DNM1L: variants seen among roughly 807,000 people sequenced by gnomAD.
The protein encoded by DNM1L is dynamin 1L, also known as dynamin-1-like protein.
DNM1L carries 33 observed loss-of-function variants against 92.8 expected under a neutral mutation model. That is an observed-to-expected ratio of 0.36 (90% CI 0.27 to 0.48). The LOEUF is 0.48. DNM1L is among the 20% of genes least tolerant of loss of function. The probability of loss-of-function intolerance (pLI) is 0.99; values close to 1 mark genes in which losing one functional copy is unlikely to be tolerated. For synonymous variants in DNM1L, 284 were observed against 305.0 expected, an observed-to-expected ratio of 0.93 and a Z score of 0.72; for missense variants, 485 against 888.8, an observed-to-expected ratio of 0.55 and a Z score of 5.78.
Position 32,731,162 on chromosome 12 carries a change from A to G in DNM1L, c.1200+28A>G. Reference sequence around the variant, plus strand: ...GAGTATGTTTAGCTTTTTAGACTGTAAAAAAAAATGAGGTTAAAGTTTTTC... The same window carrying G: ...GAGTATGTTTAGCTTTTTAGACTGTGAAAAAAAATGAGGTTAAAGTTTTTC... On this transcript the variant is annotated intron_variant, in intron 10 of 19. Transcript: ENST00000549701. This position sits in a 1 kb window ranked among gnomAD's most constrained non-coding sequence, Gnocchi z 5.1. 6.3e-7 allele frequency: 1 copy of G among 1,578,364 alleles called. No individual in the cohort carries two copies. The highest frequency in any genetic ancestry group is 8.7e-7 in the Non-Finnish European group (1 of 1,154,504).
intron 13 of DNM1L, 86 bp downstream of exon 13, chr12:32,733,893 T>A: frequency 8.5e-7 from 1 of 1,170,072 alleles, no homozygotes; most frequent in Non-Finnish European, 1.3e-6. Context: ...ATGGAGTAAC[T>A]ATAAAATAGA....
At position 32,701,292 on chromosome 12, in the gene DNM1L, T is replaced by A. The variant is rs561614521; in HGVS notation, c.103-123T>A. 5.8e-3 allele frequency: 4,281 copies of A among 735,558 alleles called. 108 individuals carry two copies. In the African/African-American group the frequency reaches 0.067, roughly 12 times the overall value. The allele number at this position is 735,558 out of a possible 1,614,324, so 45.6% of individuals were successfully genotyped here. A position where few individuals can be genotyped will look rare whatever the true frequency, so the allele number is the denominator to read the frequency against. The stretch of plus-strand genomic sequence containing the variant: ...ACTCCGTCTCAAAAAAAAAAAAAAA[T>A]AGTCTCTGCACTAATTTTTCCTTTA... On this transcript the variant is annotated intron_variant, in intron 1 of 19. Coordinates refer to ENST00000549701, the MANE Select transcript of DNM1L (RefSeq NM_012062.5).
intron 4 of DNM1L, among the ~76,000 whole-genome samples, chr12:32,709,386 T>C (rs1479028416): frequency 6.6e-6 from 1 of 152,222 alleles, no homozygotes; most frequent in Non-Finnish European, 1.5e-5. Context: ...CAATTGGTGG[T>C]AATTTTACAC....
intron 6 of DNM1L, among the ~76,000 whole-genome samples, chr12:32,717,983 ATAGTAT>A (rs1293121703): frequency 3.7e-5 from 4 of 107,392 alleles, no homozygotes; most frequent in African/African-American, 1.6e-4. Flanking sequence ...TATAGTATAT[ATAGTAT>A]GTATAGTATA....
chr12:32,698,426 C>T (rs543437738), intron 1 of DNM1L, among the ~76,000 whole-genome samples: 6 of 152,296 alleles, frequency 3.9e-5, no homozygotes, highest in Middle Eastern at 3.4e-3. Flanking sequence ...TCCTTTTAGG[C>T]TTCGGGGTGA....
chr12:32,706,502 A>G (rs950547981), intron 2 of DNM1L, among the ~76,000 whole-genome samples: 2 of 152,214 alleles, frequency 1.3e-5, no homozygotes, highest in African/African-American at 4.8e-5. Flanking sequence ...AAAACAGACT[A>G]TATCTTGCTC....
rs1409179143 is a variant in DNM1L, at chr12:32,726,264, T to G, written c.1079+3631T>G. ...TCTTTAAAATATCAGTTTCCTGTCCTTTAAAACAAAAATTACCCAGTCTAC... is the reference window on the plus strand; with the variant it reads ...TCTTTAAAATATCAGTTTCCTGTCCGTTAAAACAAAAATTACCCAGTCTAC... On this transcript the variant is annotated intron_variant, in intron 9 of 19. Transcript: ENST00000549701. 8 of 865,922 alleles carry G rather than the reference T, an allele frequency of 9.2e-6. No individual in the cohort carries two copies. In the East Asian group the frequency reaches 2.0e-4, roughly 22 times the overall value. The allele number at this position is 865,922 out of a possible 1,614,324, so 53.6% of individuals were successfully genotyped here.
At chr12:32,683,287 A>AG (rs879618218) in intron 1 of DNM1L, among the ~76,000 whole-genome samples, 15 of 151,172 alleles carry the variant, frequency 9.9e-5, no homozygotes, top group Admixed American at 4.6e-4. Context: ...GCAGTGGCAT[A>AG]ATCCATAGCT....
chr12:32,681,463 A>G (rs1182388092), intron 1 of DNM1L, among the ~76,000 whole-genome samples: 1 of 151,960 alleles, frequency 6.6e-6, no homozygotes, highest in African/African-American at 2.4e-5. Flanking sequence ...AGGTGGGAGG[A>G]TCACCTGAGC....
intron 6 of DNM1L, among the ~76,000 whole-genome samples, chr12:32,717,357 G>GTA (rs1184483912): frequency 1.8e-5 from 1 of 54,942 alleles, no homozygotes; most frequent in Non-Finnish European, 3.2e-5. Context: ...ATTATATATA[G>GTA]TATATATAAT....
intron 9 of DNM1L, among the ~76,000 whole-genome samples, chr12:32,730,218 G>C (rs1013828406): frequency 6.6e-6 from 1 of 152,148 alleles, no homozygotes; most frequent in Non-Finnish European, 1.5e-5. Flanking sequence ...ACAAAAATTA[G>C]GTGGGCATGG....
intron 1 of DNM1L, among the ~76,000 whole-genome samples, chr12:32,691,295 G>T (rs576177556): frequency 8.9e-4 from 136 of 152,212 alleles, no homozygotes; most frequent in African/African-American, 3.1e-3. Flanking sequence ...CTGGAGTGCA[G>T]AGGCGCGATC....
In DNM1L at chr12:32,731,903, C is replaced by CT. The variant is rs1335328450; in HGVS notation, c.1408dup (p.Cys470LeufsTer5). 1 of 1,613,820 alleles carries CT rather than the reference C, an allele frequency of 6.2e-7. No individual in the cohort carries two copies. The highest frequency in any genetic ancestry group is 1.3e-5 in the African/African-American group (1 of 74,880). ...CATGATGCCATAGTTGAAGTGGTGA[C>CT]TTGTCTTCTTCGTAAAAGGTTGCCT... On this transcript the variant is annotated frameshift_variant, in exon 12 of 20. Coordinates refer to ENST00000549701, the MANE Select transcript of DNM1L (RefSeq NM_012062.5). LOFTEE classifies it high-confidence loss of function. The surrounding 1 kb of genome is among the most constrained non-coding windows in gnomAD (Gnocchi z 5.1).
At chr12:32,682,702 A>C (rs1951856913) in intron 1 of DNM1L, among the ~76,000 whole-genome samples, 1 of 152,216 alleles carries the variant, frequency 6.6e-6, no homozygotes, top group Non-Finnish European at 1.5e-5. Flanking sequence ...CTTCCCAGGC[A>C]ACCATTGCTG....
At chr12:32,737,667 A>C (rs1954986770) in intron 14 of DNM1L, 198 bp from the exon 15 acceptor site, 2 of 559,128 alleles carry the variant, frequency 3.6e-6, no homozygotes, top group East Asian at 6.3e-5. Context: ...TTTCTTATGT[A>C]TTCATCTGAA....
chr12:32,711,292 G>A lies in DNM1L; in HGVS notation c.456+277G>A, dbSNP rs1027389146. ...TAAACAGTAAGTGCCCCAGAGCTCAGTTTATGGAACTCTCGTTTTCTCTAG... is the reference window on the plus strand; with the variant it reads ...TAAACAGTAAGTGCCCCAGAGCTCAATTTATGGAACTCTCGTTTTCTCTAG... On this transcript the variant is annotated intron_variant, in intron 5 of 19. Transcript: ENST00000549701. 1.0e-4 allele frequency: 38 copies of A among 373,406 alleles called. 1 individual carries two copies. In the South Asian group the frequency reaches 1.2e-3, roughly 11 times the overall value. 23.1% of individuals were successfully genotyped at this position (373,406 alleles called of 1,614,324 possible).
intron 6 of DNM1L, among the ~76,000 whole-genome samples, chr12:32,717,611 CTAGG>C (rs1953524932): frequency 9.9e-6 from 1 of 101,122 alleles, no homozygotes; most frequent in Non-Finnish European, 1.8e-5. Context: ...ATACATATAC[CTAGG>C]TAGATATATA....
intron 19 of DNM1L, among the ~76,000 whole-genome samples, chr12:32,743,046 C>T (rs1217687514): frequency 2.6e-5 from 4 of 151,764 alleles, no homozygotes; most frequent in Admixed American, 6.6e-5. Flanking sequence ...CAGGCGCCCA[C>T]CACCACACCC....
intron 9 of DNM1L, chr12:32,726,852 C>G (rs1157928237): frequency 7.9e-6 from 5 of 636,414 alleles, no homozygotes; most frequent in Admixed American, 2.8e-5. Flanking sequence ...TGGTTCTAAC[C>G]TCATCCTATA....
Sources: gnomAD v4.1 joint callset for allele counts (sites outside exome capture counted in the v4.1 genomes callset) on GRCh38, gnomAD v4.1.1 for gene constraint, Gnocchi (gnomAD v3.1) non-coding constraint, MANE v1.5 for transcripts, NCBI Gene and HGNC (gene_info 2026-07-23, HGNC 2026-07-21) for gene names.